Variants in TOP3A observed in about 807,000 individuals in gnomAD.
TOP3A encodes DNA topoisomerase III alpha, also known as DNA topoisomerase 3-alpha.
A neutral mutation model predicts 111.3 loss-of-function variants in TOP3A; 64 were observed. That is an observed-to-expected ratio of 0.57 (90% CI 0.47 to 0.71). The LOEUF is 0.71. Among genes scored for constraint, TOP3A ranks in the 30% least tolerant of loss-of-function variants. The pLI is 0.00. For missense variants in TOP3A, 1,104 were observed against 1,285.0 expected, an observed-to-expected ratio of 0.86 and a Z score of 2.15; for synonymous variants, 484 against 485.1, an observed-to-expected ratio of 1.00 and a Z score of 0.03.
intron 9 of TOP3A, among the ~76,000 whole-genome samples, chr17:18,298,181 G>A (rs1468306668): frequency 1.3e-5 from 2 of 150,476 alleles, no homozygotes; most frequent in Non-Finnish European, 3.0e-5. Flanking sequence ...GAGCCCCTCC[G>A]CCCGGCAACC....
chr17:18,286,635 T>C (rs1980124937), intron 13 of TOP3A, among the ~76,000 whole-genome samples: 1 of 152,224 alleles, frequency 6.6e-6, no homozygotes, highest in South Asian at 2.1e-4. Flanking sequence ...ACTGGAATCC[T>C]AGTGCCTTGC....
At chr17:18,276,445 T>C (rs1337880142) in intron 18 of TOP3A, among the ~76,000 whole-genome samples, 1 of 152,228 alleles carries the variant, frequency 6.6e-6, no homozygotes, top group Non-Finnish European at 1.5e-5. Flanking sequence ...TTAGCACTGG[T>C]AGCCAGTTCC....
intron 3 of TOP3A, 35 bp from the exon 4 acceptor site, chr17:18,307,001 T>C: frequency 6.7e-7 from 1 of 1,502,148 alleles, no homozygotes; most frequent in Non-Finnish European, 9.2e-7. Flanking sequence ...CCCAACTCAG[T>C]ACATGACAGA....
rs973199214 is a variant in TOP3A, at chr17:18,309,002, T to C, written c.181-61A>G. ...GTTTAAAACAATGGATTCCTTTGTA[T>C]AATTCTTTCTGATCCTGAATTTGGC... On this transcript the variant is annotated intron_variant, in intron 1 of 18. Transcript: ENST00000321105. 5.7e-5 allele frequency: 53 copies of C among 925,564 alleles called. No individual in the cohort carries two copies. The African/African-American group carries it at 7.9e-4, about 14-fold the overall frequency. 57.3% of individuals were successfully genotyped at this position (925,564 alleles called of 1,614,324 possible). A position where few individuals can be genotyped will look rare whatever the true frequency, so the allele number is the denominator to read the frequency against.
At chr17:18,302,873 G>T in intron 5 of TOP3A, 150 bp from the exon 6 acceptor site, 1 of 818,490 alleles carries the variant, frequency 1.2e-6, no homozygotes, top group Non-Finnish European at 1.9e-6. Flanking sequence ...TTAAATCAAT[G>T]GTGTACAGTG....
At chr17:18,285,654 TTCCCATATAGC>T in intron 13 of TOP3A, 134 bp from the exon 14 acceptor site, 1 of 653,148 alleles carries the variant, frequency 1.5e-6, no homozygotes, top group East Asian at 2.7e-5. Flanking sequence ...CTTCATTTCA[TTCCCATATAGC>T]TCATTCAAGA....
intron 1 of TOP3A, among the ~76,000 whole-genome samples, chr17:18,311,581 G>A (rs533570080): frequency 3.9e-5 from 6 of 152,292 alleles, no homozygotes; most frequent in Admixed American, 2.6e-4. Context: ...GGCATGAGCC[G>A]CTGCGCTCAG....
chr17:18,286,872 C>T (rs1418512276), intron 13 of TOP3A, among the ~76,000 whole-genome samples: 1 of 152,186 alleles, frequency 6.6e-6, no homozygotes, highest in East Asian at 1.9e-4. Flanking sequence ...CAACCTCTGC[C>T]TTCCGGGTTC....
At chr17:18,305,243 A>C (rs1981488006) in intron 4 of TOP3A, 23 bp from the exon 5 acceptor site, 1 of 1,586,690 alleles carries the variant, frequency 6.3e-7, no homozygotes, top group South Asian at 1.1e-5. Context: ...GTGGAATAAG[A>C]GTGGTGAGAA....
At chr17:18,288,151 A>T (rs1251923192) in intron 13 of TOP3A, among the ~76,000 whole-genome samples, 74 of 126,604 alleles carry the variant, frequency 5.8e-4, no homozygotes, top group South Asian at 1.4e-3. Context: ...ATATATATAA[A>T]TTTTTTTTTT....
chr17:18,308,498 G>C, intron 2 of TOP3A, 74 bp from the exon 3 acceptor site: 1 of 1,015,778 alleles, frequency 9.8e-7, no homozygotes, highest in Non-Finnish European at 1.5e-6. Context: ...TAAAATGAGA[G>C]GGAGGAGCTT....
At position 18,290,889 on chromosome 17, in the gene TOP3A, C is replaced by A; in HGVS notation, c.1420G>T (p.Ala474Ser). The change falls in exon 12 of 19, where the codon GCC becomes TCC. Residue 474 changes from alanine to serine, a missense_variant. Transcript: ENST00000321105. ...GGATACACATCCAGATAGTTTCGGG[C>A]CAGAATCATGAGGCCATGGGCCACA... is the stretch of plus-strand genomic sequence containing the variant. ...RFVAHGLMIL[A>S]RNYLDVYPYD... The A allele has an allele frequency of 6.2e-7, 1 of 1,614,224 alleles. No individual in the cohort carries two copies. Among genetic ancestry groups the A allele is most frequent in the South Asian group, 1.1e-5 (1 of 91,088 alleles).
At chr17:18,304,028 A>G (rs1416102979) in intron 5 of TOP3A, among the ~76,000 whole-genome samples, 1 of 152,032 alleles carries the variant, frequency 6.6e-6, no homozygotes, top group Non-Finnish European at 1.5e-5. Context: ...GCAGTGGTGC[A>G]ATCTCGGCTC....
intron 13 of TOP3A, among the ~76,000 whole-genome samples, chr17:18,287,327 A>G (rs1336073869): frequency 6.6e-6 from 1 of 151,896 alleles, no homozygotes; most frequent in African/African-American, 2.4e-5. Flanking sequence ...TGAGGTCAGG[A>G]ATTCGAGACC....
intron 4 of TOP3A, among the ~76,000 whole-genome samples, chr17:18,306,185 G>A (rs997994267): frequency 6.6e-6 from 1 of 152,108 alleles, no homozygotes; most frequent in Non-Finnish European, 1.5e-5. Flanking sequence ...TGGGGGACAA[G>A]AGCGAGACTT....
In TOP3A at chr17:18,280,537, T is replaced by C. The variant is rs1979689796; in HGVS notation, c.2143A>G (p.Arg715Gly). ...ACCTGACTCAGGTGCCCAGCTCACC[T>C]GTACACAGGGTGTGGCTGACAAACT... is the stretch of plus-strand genomic sequence containing the variant. ...CPVCQPHPVY[R>G]LKLKFKRGSL... The change falls in exon 17 of 19, where the codon AGG becomes GGG. Residue 715 changes from arginine (R) to glycine (G), a missense_variant and splice_region_variant. Transcript: ENST00000321105. 1 of 1,613,426 alleles carries C rather than the reference T, an allele frequency of 6.2e-7. No individual in the cohort carries two copies. Among genetic ancestry groups the C allele is most frequent in the Admixed American group, 1.7e-5 (1 of 59,982 alleles).
chr17:18,293,019 C>A (rs1235903579), intron 10 of TOP3A, among the ~76,000 whole-genome samples, 167 bp from the exon 11 acceptor site: 2 of 152,238 alleles, frequency 1.3e-5, no homozygotes, highest in Admixed American at 6.5e-5. Context: ...ATGAGATGCA[C>A]CCCCTCATGG....
chr17:18,306,530 T>C (rs1020543138), intron 4 of TOP3A: 18 of 189,910 alleles, frequency 9.5e-5, no homozygotes, highest in Non-Finnish European at 1.7e-4. Flanking sequence ...CCATGCCTGG[T>C]TAAATTTTTT....
intron 5 of TOP3A, among the ~76,000 whole-genome samples, chr17:18,304,149 G>A (rs1199063885): frequency 6.6e-6 from 1 of 152,092 alleles, no homozygotes; most frequent in East Asian, 1.9e-4. Context: ...ATTTTTAGTA[G>A]AGACAGGGTT....
Sources: gnomAD v4.1 joint callset for allele counts (sites outside exome capture counted in the v4.1 genomes callset) on GRCh38, gnomAD v4.1.1 for gene constraint, MANE v1.5 for transcripts, NCBI Gene and HGNC (gene_info 2026-07-23, HGNC 2026-07-21) for gene names.